The following TBC1D9 variants were observed in gnomAD, a reference collection of about 807,000 sequenced individuals.
TBC1D9 encodes TBC1 domain family member 9, also known as TBC1 domain family member 9A.
A neutral mutation model predicts 132.0 loss-of-function variants in TBC1D9; 63 were observed. The observed-to-expected ratio is 0.48, with a 90% CI of 0.39 to 0.59. TBC1D9 has a LOEUF of 0.59. Ranked by LOEUF, TBC1D9 falls within the 20% of genes least tolerant of loss-of-function variation. TBC1D9 has a pLI of 0.00. For synonymous variants in TBC1D9, 610 were observed against 609.9 expected (o/e 1.00, Z 0.00); for missense variants, 1,261 against 1,592.7 (o/e 0.79, Z 3.54).
intron 1 of TBC1D9, among the ~76,000 whole-genome samples, chr4:140,721,580 A>C (rs1052218715): frequency 6.6e-6 from 1 of 152,206 alleles, no homozygotes; most frequent in Admixed American, 6.5e-5. Flanking sequence ...ACAAAGAGGA[A>C]TAATTGGACT....
At chr4:140,740,328 A>C (rs921290007) in intron 1 of TBC1D9, among the ~76,000 whole-genome samples, 2 of 152,336 alleles carry the variant, frequency 1.3e-5, no homozygotes, top group East Asian at 3.9e-4. Context: ...ATTTCCAAAA[A>C]CAGGGACAGA....
At chr4:140,731,033 T>G (rs1176254146) in intron 1 of TBC1D9, among the ~76,000 whole-genome samples, 2 of 152,160 alleles carry the variant, frequency 1.3e-5, no homozygotes, top group Non-Finnish European at 2.9e-5. Flanking sequence ...ACATTCTTAC[T>G]CAGACCATGG....
chr4:140,659,676 C>T lies in TBC1D9; in HGVS notation c.1833G>A (p.Leu611=), dbSNP rs1450418903. Residue 611 remains leucine (L), a synonymous_variant, in exon 11 of 21, where the codon CTG becomes CTA. Transcript: ENST00000442267. The part of the protein sequence containing the change: ...QAMNIVTSVL[L]LYAKEEEAFW... Reference sequence around the variant, plus strand: ...AAGCTTCCTCCTCTTTGGCATAAAGCAGCAGCACTGAAGTGACAATATTCA... The same window carrying T: ...AAGCTTCCTCCTCTTTGGCATAAAGTAGCAGCACTGAAGTGACAATATTCA... 6.2e-7 allele frequency: 1 copy of T among 1,606,984 alleles called. No homozygotes were observed. Among genetic ancestry groups the T allele is most frequent in the African/African-American group, 1.3e-5 (1 of 74,842 alleles).
intron 1 of TBC1D9, among the ~76,000 whole-genome samples, chr4:140,740,538 A>C (rs1329609353): frequency 6.6e-6 from 1 of 152,218 alleles, no homozygotes; most frequent in African/African-American, 2.4e-5. Context: ...ACCTTATCTT[A>C]TGTAAAATGC....
chr4:140,690,529 T>A (rs768136074), intron 2 of TBC1D9, among the ~76,000 whole-genome samples: 44 of 152,084 alleles, frequency 2.9e-4, no homozygotes, highest in Non-Finnish European at 5.6e-4. Flanking sequence ...TCCTCACTTG[T>A]GTCACATGAA....
At chr4:140,637,749 C>T (rs1048652532) in intron 15 of TBC1D9, among the ~76,000 whole-genome samples, 7 of 152,058 alleles carry the variant, frequency 4.6e-5, no homozygotes, top group South Asian at 2.1e-4. Flanking sequence ...CCTCAAGTGC[C>T]GGATGCAGGC....
chr4:140,726,621 A>G (rs1359713664), intron 1 of TBC1D9, among the ~76,000 whole-genome samples: 1 of 152,216 alleles, frequency 6.6e-6, no homozygotes, highest in African/African-American at 2.4e-5. Flanking sequence ...AAACCAAGCT[A>G]TATTTAAAAA....
intron 9 of TBC1D9, among the ~76,000 whole-genome samples, chr4:140,667,446 G>T (rs1737465198): frequency 6.6e-6 from 1 of 152,224 alleles, no homozygotes; most frequent in African/African-American, 2.4e-5. Context: ...TGTTTACTCT[G>T]TCAGTGATCT....
intron 1 of TBC1D9, among the ~76,000 whole-genome samples, chr4:140,747,020 AT>A (rs200297941): frequency 2.0e-4 from 30 of 149,724 alleles, no homozygotes; most frequent in Non-Finnish European, 3.9e-4. Context: ...AAAATAAAAA[AT>A]AAATAAATAA....
intron 1 of TBC1D9, among the ~76,000 whole-genome samples, chr4:140,720,322 T>G (rs896717176): frequency 1.3e-5 from 2 of 152,178 alleles, no homozygotes; most frequent in Non-Finnish European, 2.9e-5. Flanking sequence ...TGTTGTTGTA[T>G]AAAAACCACT....
intron 1 of TBC1D9, among the ~76,000 whole-genome samples, chr4:140,727,817 A>G (rs1045073843): frequency 3.3e-5 from 5 of 151,970 alleles, no homozygotes; most frequent in Admixed American, 6.6e-5. Context: ...AAAAAAAAAA[A>G]GGGGTGGGAA....
Position 140,639,115 on chromosome 4 carries a change from C to A in TBC1D9, c.2476G>T (p.Glu826Ter). The A allele has an allele frequency of 6.3e-7, 1 of 1,590,940 alleles. No individual in the cohort carries two copies. The highest frequency in any genetic ancestry group is 2.3e-5 in the East Asian group (1 of 44,348). The change falls in exon 15 of 21, where the codon GAG becomes TAG. Residue 826 changes from glutamate to a stop codon, truncating the protein, a stop_gained. Transcript: ENST00000442267. LOFTEE classifies it high-confidence loss of function. Reference sequence around the variant, plus strand: ...AAAAGAGCATAAAGTTCTTCCAGCTCATCAATGGTAAAGGAAGTTTCTGTC... The same window carrying A: ...AAAAGAGCATAAAGTTCTTCCAGCTAATCAATGGTAAAGGAAGTTTCTGTC... ...IVTETSFTID[E>*]LEELYALFKA...
intron 13 of TBC1D9, chr4:140,643,441 G>T: frequency 2.1e-6 from 2 of 942,854 alleles, no homozygotes; most frequent in Non-Finnish European, 1.7e-6. Context: ...GGCAGGAACT[G>T]CTCAGAGCTT....
At chr4:140,694,166 A>G (rs1737916765) in intron 2 of TBC1D9, among the ~76,000 whole-genome samples, 1 of 152,202 alleles carries the variant, frequency 6.6e-6, no homozygotes, top group South Asian at 2.1e-4. Flanking sequence ...TGTTGGGAGA[A>G]TATTCACTAA....
chr4:140,621,265 A>G lies in TBC1D9; in HGVS notation c.*930T>C, dbSNP rs1039547020. On this transcript the variant is annotated 3_prime_UTR_variant, in exon 21 of 21. Coordinates refer to ENST00000442267, the MANE Select transcript of TBC1D9 (RefSeq NM_015130.3). ...GCGATATGTGGTATAAATTTCTTCA[A>G]TCTATGGAGAATACGGAAATGGTAA... 2 of 152,618 alleles carry G rather than the reference A, an allele frequency of 1.3e-5. No homozygotes were observed. Among genetic ancestry groups the G allele is most frequent in the Non-Finnish European group, 2.9e-5 (2 of 68,006 alleles). 9.5% of individuals were successfully genotyped at this position (152,618 alleles called of 1,614,324 possible). A position where few individuals can be genotyped will look rare whatever the true frequency, so the allele number is the denominator to read the frequency against.
intron 1 of TBC1D9, among the ~76,000 whole-genome samples, chr4:140,707,617 G>T (rs116783894): frequency 6.6e-6 from 1 of 152,090 alleles, no homozygotes; most frequent in East Asian, 1.9e-4. Flanking sequence ...ACATGATACT[G>T]GTCAGAAAGT....
chr4:140,668,898 C>A lies in TBC1D9; in HGVS notation c.1588+19G>T, dbSNP rs1737489500. 1 of 1,612,416 alleles carries A rather than the reference C, an allele frequency of 6.2e-7. No individual in the cohort carries two copies. On this transcript the variant is annotated intron_variant, in intron 9 of 20. Transcript: ENST00000442267. ...TCCCACAGACTTTGACGCCAGCATTCCCAGCCCAGCGGCCGTACCTGACAG... is the reference window on the plus strand; with the variant it reads ...TCCCACAGACTTTGACGCCAGCATTACCAGCCCAGCGGCCGTACCTGACAG...
Position 140,676,940 on chromosome 4 carries a change from G to A in TBC1D9, c.1013C>T (p.Thr338Ile), listed in dbSNP as rs1157116008. The change falls in exon 6 of 21, where the codon ACC (threonine) becomes ATC (isoleucine). Residue 338 changes from threonine (T) to isoleucine (I), a missense_variant. By Grantham distance (89) the Thr-to-Ile change is moderately conservative. Transcript: ENST00000442267. ...MFVSTNYICFTSKEENLCSLI... is the reference protein window; with the variant it reads ...MFVSTNYICFISKEENLCSLI... ...GCTACATAAGTTCTCCTCCTTGCTG[G>A]TAAAACAGATGTAATTTGTGGACAC... is the stretch of plus-strand genomic sequence containing the variant. 1.9e-6 allele frequency: 3 copies of A among 1,613,812 alleles called. No individual in the cohort carries two copies. Among genetic ancestry groups the A allele is most frequent in the African/African-American group, 2.7e-5 (2 of 74,890 alleles).
chr4:140,650,116 G>C (rs538642728), intron 13 of TBC1D9, among the ~76,000 whole-genome samples: 37 of 152,342 alleles, frequency 2.4e-4, no homozygotes, highest in African/African-American at 8.9e-4. Context: ...ATTAGCTGTT[G>C]TGTGAACATG....
Sources: allele counts gnomAD v4.1 joint callset (sites outside exome capture counted in the v4.1 genomes callset), GRCh38; gene constraint gnomAD v4.1.1; transcripts MANE v1.5; gene names NCBI Gene and HGNC (gene_info 2026-07-23, HGNC 2026-07-21).